The following HTD2 variants were observed in gnomAD, a reference collection of about 807,000 sequenced individuals.
HTD2 encodes hydroxyacyl-thioester dehydratase type 2, mitochondrial.
In HTD2, 1 loss-of-function variant was observed where a neutral mutation model predicts 3.1. That is an observed-to-expected ratio of 0.32 (90% CI 0.11 to 1.52). The LOEUF (loss-of-function observed/expected upper bound fraction) is 1.52, where lower values mean the gene tolerates loss of function less well. Ranked by LOEUF, HTD2 falls within the 40% of genes most tolerant of loss-of-function variation. HTD2 has a pLI of 0.39. For synonymous variants in HTD2, 50 were observed against 28.9 expected (o/e 1.73, Z -2.34); for missense variants, 150 against 79.6 (o/e 1.88, Z -3.36).
At position 58,315,672 on chromosome 3, in the gene HTD2, TTTTA is replaced by T. The variant is rs553685266; in HGVS notation, c.-330-827_-330-824del. 814 of 152,330 alleles carry T rather than the reference TTTTA, an allele frequency of 5.3e-3. 2 individuals carry two copies. Among genetic ancestry groups the T allele is most frequent in the South Asian group, 0.018 (86 of 4,822 alleles). The allele number at this position is 152,330 out of a possible 1,614,324, so 9.4% of individuals were successfully genotyped here. A position where few individuals can be genotyped will look rare whatever the true frequency, so the allele number is the denominator to read the frequency against. Reference sequence around the variant, plus strand: ...GCATGAACCTCCCTGTACATTTCTTTTTTATTTATTTATTTATTTTTGAAACAGA... The same window carrying T: ...GCATGAACCTCCCTGTACATTTCTTTTTTATTTATTTATTTTTGAAACAGA... On this transcript the variant is annotated intron_variant, in intron 2 of 4. Coordinates refer to ENST00000461393, the MANE Select transcript of HTD2 (RefSeq NM_001348712.2).
chr3:58,307,354 G>A (rs2097476479), intron 1 of HTD2, among the ~76,000 whole-genome samples: 1 of 152,224 alleles, frequency 6.6e-6, no homozygotes, highest in Non-Finnish European at 1.5e-5. Context: ...TAGGGATGGA[G>A]AAGCGGGGGA....
chr3:58,319,071 G>C lies in HTD2; in HGVS notation c.*951G>C, dbSNP rs1242284597. The C allele has an allele frequency of 6.6e-6, 1 of 152,050 alleles. No homozygotes were observed. The highest frequency in any genetic ancestry group is 2.4e-5 in the African/African-American group (1 of 41,386). The allele number at this position is 152,050 out of a possible 1,614,324, so 9.4% of individuals were successfully genotyped here. A position where few individuals can be genotyped will look rare whatever the true frequency, so the allele number is the denominator to read the frequency against. On this transcript the variant is annotated 3_prime_UTR_variant, in exon 5 of 5. Coordinates refer to ENST00000461393, the MANE Select transcript of HTD2 (RefSeq NM_001348712.2). Reference sequence around the variant, plus strand: ...TTTGGATAACAAATCCCTACCTATAGCCATGTGGAAGCAGCTTGTCACTGT... The same window carrying C: ...TTTGGATAACAAATCCCTACCTATACCCATGTGGAAGCAGCTTGTCACTGT...
intron 2 of HTD2, among the ~76,000 whole-genome samples, chr3:58,316,206 G>A (rs2097488159): frequency 6.6e-6 from 1 of 152,200 alleles, no homozygotes. Flanking sequence ...AGGGAATTAT[G>A]AAAGAGAAAG....
rs1435081900 is a variant in HTD2, at chr3:58,317,779, T to G, written c.166T>G (p.Phe56Val). ...RAFTQTDVATFSELTGDVNPL... is the reference protein window; with the variant it reads ...RAFTQTDVATVSELTGDVNPL... ...CTTCACACAGACTGATGTGGCTACC[T>G]TCTCAGAATTAACAGGGGATGTCAA... The change falls in exon 5 of 5, where the codon TTC becomes GTC. Residue 56 changes from phenylalanine (F) to valine (V), a missense_variant. Physicochemically the swap from Phe to Val is conservative, Grantham distance 50 (BLOSUM62 -1). Transcript: ENST00000461393. The G allele has an allele frequency of 1.4e-6, 1 of 703,146 alleles. No homozygotes were observed. Among genetic ancestry groups the G allele is most frequent in the East Asian group, 2.7e-5 (1 of 37,298 alleles). The allele number at this position is 703,146 out of a possible 1,614,324, so 43.6% of individuals were successfully genotyped here. A position where few individuals can be genotyped will look rare whatever the true frequency, so the allele number is the denominator to read the frequency against.
At chr3:58,317,175 C>A (rs2097489168) in intron 4 of HTD2, among the ~76,000 whole-genome samples, 182 bp downstream of exon 4, 1 of 152,190 alleles carries the variant, frequency 6.6e-6, no homozygotes, top group Non-Finnish European at 1.5e-5. Flanking sequence ...ATTTTAAAAT[C>A]TATGGGAGAT....
chr3:58,310,035 A>G, intron 1 of HTD2: 1 of 345,746 alleles, frequency 2.9e-6, no homozygotes, highest in East Asian at 5.6e-5. Flanking sequence ...CCCTGTCTCT[A>G]CAAAAAATAC....
At chr3:58,309,680 A>G (rs2107499991) in intron 1 of HTD2, among the ~76,000 whole-genome samples, 1 of 152,294 alleles carries the variant, frequency 6.6e-6, no homozygotes, top group African/African-American at 2.4e-5. Flanking sequence ...TCACGAGGTC[A>G]GGAGTTCGAG....
intron 2 of HTD2, among the ~76,000 whole-genome samples, chr3:58,313,339 CA>C (rs1344153632): frequency 6.6e-6 from 1 of 152,128 alleles, no homozygotes; most frequent in South Asian, 2.1e-4. Flanking sequence ...TATTCTGATT[CA>C]ACTCATTATT....
chr3:58,317,536 A>T lies in HTD2; in HGVS notation c.-78A>T. ...ATTTTGGAAACGTTCATCCACTCTC[A>T]TATTTATTTTTTGGTGCCTGCATGT... On this transcript the variant is annotated 5_prime_UTR_variant, in exon 5 of 5. Coordinates refer to ENST00000461393, the MANE Select transcript of HTD2 (RefSeq NM_001348712.2). 7.2e-7 allele frequency: 1 copy of T among 1,387,330 alleles called. No individual in the cohort carries two copies. Among genetic ancestry groups the T allele is most frequent in the Non-Finnish European group, 1.0e-6 (1 of 982,764 alleles). 85.9% of individuals were successfully genotyped at this position (1,387,330 alleles called of 1,614,324 possible). A position where few individuals can be genotyped will look rare whatever the true frequency, so the allele number is the denominator to read the frequency against.
chr3:58,313,120 G>A (rs889589394), intron 2 of HTD2, among the ~76,000 whole-genome samples: 2 of 151,220 alleles, frequency 1.3e-5, no homozygotes, highest in Admixed American at 6.6e-5. Context: ...AAAGCCGGGC[G>A]CAGCGGCGGG....
chr3:58,309,971 G>A (rs1285143159), intron 1 of HTD2: 3 of 210,126 alleles, frequency 1.4e-5, no homozygotes, highest in Non-Finnish European at 2.9e-5. Flanking sequence ...AGGCTGAGTT[G>A]GGCAAATTGC....
Position 58,309,964 on chromosome 3 carries a change from C to T in HTD2, c.-415-543C>T, listed in dbSNP as rs2107500308. The T allele has an allele frequency of 9.8e-6, 2 of 204,080 alleles. 1 individual carries two copies. Among genetic ancestry groups the T allele is most frequent in the South Asian group, 1.7e-4 (2 of 11,652 alleles). 12.6% of individuals were successfully genotyped at this position (204,080 alleles called of 1,614,324 possible). A position where few individuals can be genotyped will look rare whatever the true frequency, so the allele number is the denominator to read the frequency against. ...CTTGTAATCCCAGCACTTTGGGAGG[C>T]TGAGTTGGGCAAATTGCTTGAGCCC... On this transcript the variant is annotated intron_variant, in intron 1 of 4. Transcript: ENST00000461393.
At chr3:58,312,960 CAAAAAAAA>C (rs35853424) in intron 2 of HTD2, among the ~76,000 whole-genome samples, 2 of 79,044 alleles carry the variant, frequency 2.5e-5, no homozygotes, top group African/African-American at 1.0e-4. Context: ...GACTCTGTCT[CAAAAAAAA>C]AAAAAAAAAA....
chr3:58,310,530 G>T lies in HTD2; in HGVS notation c.-392G>T. The stretch of plus-strand genomic sequence containing the variant: ...AGAGAATTTCAAGATTGTGGAGTTG[G>T]ACTGAATGCTGCACAGTTCAAACAG... On this transcript the variant is annotated 5_prime_UTR_variant, in exon 2 of 5. Coordinates refer to ENST00000461393, the MANE Select transcript of HTD2 (RefSeq NM_001348712.2). 1 of 1,611,742 alleles carries T rather than the reference G, an allele frequency of 6.2e-7. No individual in the cohort carries two copies. The highest frequency in any genetic ancestry group is 8.5e-7 in the Non-Finnish European group (1 of 1,179,432).
intron 2 of HTD2, among the ~76,000 whole-genome samples, chr3:58,316,085 G>A (rs189041089): frequency 2.6e-5 from 4 of 152,228 alleles, no homozygotes; most frequent in Admixed American, 6.5e-5. Context: ...AGAAAACCTC[G>A]TTCCTGGGGT....
intron 3 of HTD2, 27 bp from the exon 4 acceptor site, chr3:58,316,888 C>G: frequency 1.3e-6 from 2 of 1,567,230 alleles, no homozygotes; most frequent in South Asian, 1.1e-5. Context: ...CTATGACACA[C>G]TATGTATTTT....
chr3:58,306,922 A>T (rs1002329061), intron 1 of HTD2, among the ~76,000 whole-genome samples: 1 of 152,222 alleles, frequency 6.6e-6, no homozygotes, highest in Non-Finnish European at 1.5e-5. Flanking sequence ...AATGCTACGA[A>T]GAAGAAAGCA....
chr3:58,318,137 A>T lies in HTD2; in HGVS notation c.*17A>T, dbSNP rs947755126. ...AAATCCTGAAATAGATGTTTTAAAG[A>T]TGCAACCTCAAACACCAATGCTGTT... is the stretch of plus-strand genomic sequence containing the variant. On this transcript the variant is annotated 3_prime_UTR_variant, in exon 5 of 5. Transcript: ENST00000461393. 1 of 624,284 alleles carries T rather than the reference A, an allele frequency of 1.6e-6. No individual in the cohort carries two copies. The highest frequency in any genetic ancestry group is 1.8e-5 in the African/African-American group (1 of 54,264). The allele number at this position is 624,284 out of a possible 1,614,324, so 38.7% of individuals were successfully genotyped here.
In HTD2 at chr3:58,318,764, C is replaced by T. The variant is rs1357507903; in HGVS notation, c.*644C>T. 4 of 151,992 alleles carry T rather than the reference C, an allele frequency of 2.6e-5. No homozygotes were observed. Among genetic ancestry groups the T allele is most frequent in the Non-Finnish European group, 5.9e-5 (4 of 68,048 alleles). The allele number at this position is 151,992 out of a possible 1,614,324, so 9.4% of individuals were successfully genotyped here. A position where few individuals can be genotyped will look rare whatever the true frequency, so the allele number is the denominator to read the frequency against. ...CCTGTAATCCCAGCATTTTGGGAGG[C>T]TGAGGCAGGCGAATCACTTGAGGTC... On this transcript the variant is annotated 3_prime_UTR_variant, in exon 5 of 5. Coordinates refer to ENST00000461393, the MANE Select transcript of HTD2 (RefSeq NM_001348712.2).
Sources: gnomAD v4.1 joint callset for allele counts (sites outside exome capture counted in the v4.1 genomes callset) on GRCh38, gnomAD v4.1.1 for gene constraint, MANE v1.5 for transcripts, NCBI Gene and HGNC (gene_info 2026-07-23, HGNC 2026-07-21) for gene names.